The following AAK1 variants were observed in gnomAD, a reference collection of about 807,000 sequenced individuals.
AAK1 encodes AP2 associated kinase 1.
In AAK1, 37 loss-of-function variants were observed where a neutral mutation model predicts 116.0. The ratio of observed to expected loss-of-function variants is 0.32; its 90% CI spans 0.25 to 0.42. The LOEUF (loss-of-function observed/expected upper bound fraction) is 0.42. Among genes scored for constraint, AAK1 ranks in the 10% least tolerant of loss-of-function variants. The pLI is 1.00. For missense variants in AAK1, 919 were observed against 1,170.6 expected (o/e 0.79, Z 3.14); for synonymous variants, 458 against 439.9 (o/e 1.04, Z -0.51).
At chr2:69,567,701 C>G (rs762759662) in intron 2 of AAK1, among the ~76,000 whole-genome samples, 12 of 151,932 alleles carry the variant, frequency 7.9e-5, no homozygotes, top group Non-Finnish European at 1.5e-4. Context: ...GTAGAAAAAC[C>G]CTGCACTGCT....
chr2:69,619,965 G>A (rs1373282630), intron 2 of AAK1, among the ~76,000 whole-genome samples: 2 of 152,132 alleles, frequency 1.3e-5, no homozygotes, highest in Non-Finnish European at 2.9e-5. Flanking sequence ...TCTGAGATGG[G>A]GAATCACTGG....
chr2:69,517,469 C>CT (rs1205082281), intron 12 of AAK1, among the ~76,000 whole-genome samples: 6 of 151,804 alleles, frequency 4.0e-5, no homozygotes, highest in African/African-American at 1.2e-4. Context: ...TTTTTTCTTC[C>CT]TTTTTTTAAA....
chr2:69,605,091 C>A (rs1673741939), intron 2 of AAK1, among the ~76,000 whole-genome samples: 1 of 152,216 alleles, frequency 6.6e-6, no homozygotes, highest in African/African-American at 2.4e-5. Context: ...ATGTGCCACA[C>A]AAACTCCCAC....
At chr2:69,506,398 C>A (rs1017757003) in intron 15 of AAK1, among the ~76,000 whole-genome samples, 7 of 152,236 alleles carry the variant, frequency 4.6e-5, no homozygotes, top group African/African-American at 1.7e-4. Flanking sequence ...GGGTCTCACT[C>A]TGTCACCCAG....
At chr2:69,568,701 C>A (rs1295256482) in intron 2 of AAK1, among the ~76,000 whole-genome samples, 1 of 152,108 alleles carries the variant, frequency 6.6e-6, no homozygotes, top group African/African-American at 2.4e-5. Context: ...CTACTTTTTC[C>A]AGGTCATCCT....
chr2:69,474,185 T>G lies in AAK1; in HGVS notation c.*1684A>C, dbSNP rs965857571. Reference sequence around the variant, plus strand: ...TTATAGGCTGTTGTTGCTGTTAAACTTTTTTCCCCCATAAAGTGCAAATGT... The same window carrying G: ...TTATAGGCTGTTGTTGCTGTTAAACGTTTTTCCCCCATAAAGTGCAAATGT... On this transcript the variant is annotated 3_prime_UTR_variant, in exon 22 of 22. Transcript: ENST00000409085. 2 of 985,702 alleles carry G rather than the reference T, an allele frequency of 2.0e-6. No homozygotes were observed. The highest frequency in any genetic ancestry group is 1.2e-6 in the Non-Finnish European group (1 of 829,928). 61.1% of individuals were successfully genotyped at this position (985,702 alleles called of 1,614,324 possible).
chr2:69,549,290 A>G (rs1671073454), intron 3 of AAK1, among the ~76,000 whole-genome samples: 2 of 152,042 alleles, frequency 1.3e-5, no homozygotes, highest in South Asian at 4.2e-4. Context: ...AATTGCTTGA[A>G]CCCAGGAGGT....
chr2:69,642,946 C>CT lies in AAK1; in HGVS notation c.94dup (p.Ser32LysfsTer50). On this transcript the variant is annotated frameshift_variant, in exon 2 of 22. Coordinates refer to ENST00000409085, the MANE Select transcript of AAK1 (RefSeq NM_014911.5). LOFTEE classifies it high-confidence loss of function. ...GCCGAAGACTCTTCCGATGTAGCCACTGCCCAGGCCCGAGGTGCTGCCCCC... is the reference window on the plus strand; with the variant it reads ...GCCGAAGACTCTTCCGATGTAGCCACTTGCCCAGGCCCGAGGTGCTGCCCCC... The CT allele has an allele frequency of 6.2e-7, 1 of 1,613,928 alleles. No homozygotes were observed. Among genetic ancestry groups the CT allele is most frequent in the East Asian group, 2.2e-5 (1 of 44,888 alleles).
Position 69,465,167 on chromosome 2 carries a change from G to A in AAK1, c.*10702C>T. On this transcript the variant is annotated 3_prime_UTR_variant, in exon 22 of 22. Coordinates refer to ENST00000409085, the MANE Select transcript of AAK1 (RefSeq NM_014911.5). Reference sequence around the variant, plus strand: ...CTTGGTGGAAGTGGATGACCTCTGTGAAGGAGATGAAAATGCCTCCAAGTC... The same window carrying A: ...CTTGGTGGAAGTGGATGACCTCTGTAAAGGAGATGAAAATGCCTCCAAGTC... 3.5e-6 allele frequency: 1 copy of A among 281,796 alleles called. No individual in the cohort carries two copies. Among genetic ancestry groups the A allele is most frequent in the Non-Finnish European group, 6.9e-6 (1 of 145,884 alleles). 17.5% of individuals were successfully genotyped at this position (281,796 alleles called of 1,614,324 possible).
Position 69,466,259 on chromosome 2 carries a change from CG to C in AAK1, c.*9609del, listed in dbSNP as rs767719947. The C allele has an allele frequency of 1.2e-5, 15 of 1,288,762 alleles. No homozygotes were observed. Among genetic ancestry groups the C allele is most frequent in the African/African-American group, 4.6e-5 (3 of 65,680 alleles). The allele number at this position is 1,288,762 out of a possible 1,614,324, so 79.8% of individuals were successfully genotyped here. A position where few individuals can be genotyped will look rare whatever the true frequency, so the allele number is the denominator to read the frequency against. ...ATGGAACGGCTCCTCCCAGCTTCCC[CG>C]GGGGGGGTCTGCAGCTCTCATCTTC... On this transcript the variant is annotated 3_prime_UTR_variant, in exon 22 of 22. Transcript: ENST00000409085.
intron 2 of AAK1, among the ~76,000 whole-genome samples, chr2:69,634,639 T>C (rs1420165896): frequency 6.6e-6 from 1 of 152,212 alleles, no homozygotes; most frequent in African/African-American, 2.4e-5. Flanking sequence ...CTTGCAGTGA[T>C]GGGGTCTGTG....
chr2:69,534,233 C>A (rs1670370517), intron 5 of AAK1, among the ~76,000 whole-genome samples: 1 of 152,164 alleles, frequency 6.6e-6, no homozygotes, highest in Admixed American at 6.5e-5. Context: ...CTAAATGTCA[C>A]ACAGCCAATA....
At chr2:69,578,245 T>C (rs552798710) in intron 2 of AAK1, among the ~76,000 whole-genome samples, 1 of 152,334 alleles carries the variant, frequency 6.6e-6, no homozygotes, top group African/African-American at 2.4e-5. Context: ...CAGTGAAATA[T>C]AGAATAGAAA....
rs1676508843 is a variant in AAK1 at position 69,514,543 on chromosome 2, A to G, written c.1704T>C (p.Thr568=). 1.3e-6 allele frequency: 2 copies of G among 1,553,234 alleles called. No individual in the cohort carries two copies. Among genetic ancestry groups the G allele is most frequent in the East Asian group, 2.4e-5 (1 of 41,070 alleles). Residue 568 remains threonine, a synonymous_variant, in exon 13 of 22, where the codon ACT becomes ACC. Coordinates refer to ENST00000409085, the MANE Select transcript of AAK1 (RefSeq NM_014911.5). ...GCTGGGGCTGCTGTCCTGCTGCCAT[A>G]GTGGGCTTTTGCTGCAAGGCAGCCT... ...TQQAALQQKP[T]MAAGQQPQPQ...
Position 69,601,216 on chromosome 2 carries a change from G to A in AAK1, c.163+41662C>T, listed in dbSNP as rs142558798. On this transcript the variant is annotated intron_variant, in intron 2 of 21. Transcript: ENST00000409085. Reference sequence around the variant, plus strand: ...AAAGTGTGCCCAAGTATACCACTGGGTGTTTTTAATATTTCTTCATATGAC... The same window carrying A: ...AAAGTGTGCCCAAGTATACCACTGGATGTTTTTAATATTTCTTCATATGAC... Among the ~76,000 whole-genome samples the A allele has an allele frequency of 6.4e-3, 978 of 152,276 alleles. 21 individuals are homozygous for A. Among genetic ancestry groups the A allele is most frequent in the East Asian group, 0.012 (63 of 5,180 alleles).
rs1674986615 is a variant in AAK1 at position 69,479,149 on chromosome 2, G to A, written c.2570-88C>T. 4 of 949,326 alleles carry A rather than the reference G, an allele frequency of 4.2e-6. No homozygotes were observed. In the Admixed American group the frequency reaches 8.6e-5, roughly 20 times the overall value. The allele number at this position is 949,326 out of a possible 1,614,324, so 58.8% of individuals were successfully genotyped here. On this transcript the variant is annotated intron_variant, in intron 19 of 21. Transcript: ENST00000409085. Reference sequence around the variant, plus strand: ...CATGAGATTAGATCTTAGCTTTTAAGTTACTGCATTTACACGTTACACATA... The same window carrying A: ...CATGAGATTAGATCTTAGCTTTTAAATTACTGCATTTACACGTTACACATA...
At position 69,474,473 on chromosome 2, in the gene AAK1, G is replaced by C. The variant is rs1010744787; in HGVS notation, c.*1396C>G. On this transcript the variant is annotated 3_prime_UTR_variant, in exon 22 of 22. Coordinates refer to ENST00000409085, the MANE Select transcript of AAK1 (RefSeq NM_014911.5). ...GACCATGAGGCATGTTGTCATGTTA[G>C]TGCAGGGGCCTTTATTTATTTTATG... 1 of 985,452 alleles carries C rather than the reference G, an allele frequency of 1.0e-6. No individual in the cohort carries two copies. 61.0% of individuals were successfully genotyped at this position (985,452 alleles called of 1,614,324 possible).
intron 11 of AAK1, chr2:69,519,955 T>C (rs1210758111): frequency 1.5e-5 from 3 of 205,828 alleles, no homozygotes; most frequent in Non-Finnish European, 2.1e-5. Flanking sequence ...TGAAAGTAAG[T>C]TGTCTGCTAG....
At chr2:69,504,735 C>T (rs1348555664) in intron 16 of AAK1, among the ~76,000 whole-genome samples, 1 of 152,120 alleles carries the variant, frequency 6.6e-6, no homozygotes, top group African/African-American at 2.4e-5. Context: ...CCATTGCACT[C>T]CAGCCTGGGC....
Sources: gnomAD v4.1 joint callset for allele counts (sites outside exome capture counted in the v4.1 genomes callset) on GRCh38, gnomAD v4.1.1 for gene constraint, MANE v1.5 for transcripts, NCBI Gene and HGNC (gene_info 2026-07-23, HGNC 2026-07-21) for gene names.